KLHL13: variants seen among roughly 807,000 people sequenced by gnomAD.
The protein encoded by KLHL13 is kelch-like protein 13.
A neutral mutation model predicts 37.1 loss-of-function variants in KLHL13; 10 were observed. That is an observed-to-expected ratio of 0.27 (90% CI 0.17 to 0.46). The LOEUF (loss-of-function observed/expected upper bound fraction) is 0.46, where lower values mean the gene tolerates loss of function less well. KLHL13 is among the 20% of genes least tolerant of loss of function. KLHL13 has a pLI of 1.00. For synonymous variants in KLHL13, 163 were observed against 181.2 expected (o/e 0.90, Z 0.81); for missense variants, 360 against 509.3 (o/e 0.71, Z 2.82).
At chrX:117,911,113 C>T in intron 4 of KLHL13, among the ~76,000 whole-genome samples, 1 of 112,058 alleles carries the variant, frequency 8.9e-6, no homozygotes. Context: ...TACAAACAGA[C>T]ACAGATCACA....
chrX:118,052,340 C>T (rs1337938212), intron 1 of KLHL13, among the ~76,000 whole-genome samples: 3 of 76,027 alleles, frequency 3.9e-5, no homozygotes, highest in Admixed American at 3.5e-4. Flanking sequence ...AGTGAAACCC[C>T]GTCTCTACTA....
chrX:118,043,903 C>T (rs1443086349), intron 1 of KLHL13, among the ~76,000 whole-genome samples: 4 of 111,255 alleles, frequency 3.6e-5, no homozygotes. Flanking sequence ...AGCAACCAGA[C>T]AAGAGAAAGA....
chrX:117,920,514 C>G, intron 2 of KLHL13, 144 bp from the exon 4 acceptor site: 1 of 554,304 alleles, frequency 1.8e-6, no homozygotes, highest in Non-Finnish European at 2.8e-6. Flanking sequence ...GAAAAAATAA[C>G]TGCACAACTT....
chrX:118,021,942 A>G (rs189437949), intron 1 of KLHL13, among the ~76,000 whole-genome samples: 1,316 of 111,573 alleles, frequency 0.012, 20 homozygotes, highest in African/African-American at 0.041. Flanking sequence ...CTGGCGTGAG[A>G]TGGTATCTCA....
chrX:118,110,272 C>T (rs1282504620), intron 1 of KLHL13, among the ~76,000 whole-genome samples: 1 of 110,617 alleles, frequency 9.0e-6, no homozygotes, highest in Non-Finnish European at 1.9e-5. Flanking sequence ...GTAACGCACA[C>T]TCATGTCCCC....
chrX:118,073,583 A>C (rs1180936236), intron 1 of KLHL13, among the ~76,000 whole-genome samples: 1 of 111,648 alleles, frequency 9.0e-6, no homozygotes, highest in African/African-American at 3.3e-5. Flanking sequence ...TTTCAGCCCT[A>C]CCTGTACTAG....
intron 1 of KLHL13, among the ~76,000 whole-genome samples, chrX:118,114,540 C>T (rs1156962533): frequency 8.9e-6 from 1 of 112,307 alleles, no homozygotes; most frequent in Non-Finnish European, 1.9e-5. Context: ...AGTATAAACT[C>T]TTTTCCTTGA....
chrX:118,091,357 C>T (rs1408457061), intron 1 of KLHL13, among the ~76,000 whole-genome samples: 2 of 111,510 alleles, frequency 1.8e-5, no homozygotes, highest in African/African-American at 3.3e-5. Context: ...AAGTAGCCAT[C>T]ATAAAAATGC....
intron 1 of KLHL13, among the ~76,000 whole-genome samples, chrX:118,032,292 A>G (rs2054363126): frequency 8.9e-6 from 1 of 112,384 alleles, no homozygotes; most frequent in East Asian, 2.8e-4. Flanking sequence ...GGGGCAGGGC[A>G]CAGACAAACA....
intron 1 of KLHL13, among the ~76,000 whole-genome samples, chrX:118,004,837 T>C (rs1602641804): frequency 9.0e-6 from 1 of 111,556 alleles, no homozygotes; most frequent in East Asian, 2.8e-4. Flanking sequence ...CCTGATAGGA[T>C]GCAATGAGAA....
intron 5 of KLHL13, 22 bp downstream of exon 6, chrX:117,909,279 T>C (rs1447687393): frequency 1.8e-6 from 2 of 1,121,353 alleles, no homozygotes; most frequent in African/African-American, 3.7e-5. Context: ...TTTGTCTCTA[T>C]GCTTAATATA....
intron 1 of KLHL13, among the ~76,000 whole-genome samples, chrX:118,085,613 G>A (rs145613756): frequency 1.8e-3 from 202 of 109,943 alleles, no homozygotes; most frequent in African/African-American, 6.2e-3. Context: ...AGATTCCAGT[G>A]TCCATGATAT....
chrX:117,982,751 A>G (rs1456441002), intron 1 of KLHL13, among the ~76,000 whole-genome samples: 1 of 112,209 alleles, frequency 8.9e-6, no homozygotes, highest in African/African-American at 3.2e-5. Flanking sequence ...TTAGAGAAAC[A>G]CTGCTTTAAA....
In KLHL13 at chrX:117,931,857, C is replaced by T. The variant is rs144359669; in HGVS notation, c.241-11487G>A. 9.2e-3 allele frequency among the ~76,000 whole-genome samples: 1,023 copies of T among 110,675 alleles called. 17 individuals are homozygous for T. Among genetic ancestry groups the T allele is most frequent in the African/African-American group, 0.031 (950 of 30,548 alleles). On this transcript the variant is annotated intron_variant, in intron 2 of 6. Transcript: ENST00000262820. ...GAGATAACAATTCTTGCCTTTTGTA[C>T]CTCATAGCATTTTTTTCAAGTATCA...
At chrX:118,035,455 T>C (rs1179556993) in intron 1 of KLHL13, among the ~76,000 whole-genome samples, 1 of 109,810 alleles carries the variant, frequency 9.1e-6, no homozygotes, top group Non-Finnish European at 1.9e-5. Flanking sequence ...AATCAATAAA[T>C]GTAATCCAGC....
chrX:118,042,889 G>A (rs7053856), intron 1 of KLHL13, among the ~76,000 whole-genome samples: 8,615 of 105,166 alleles, frequency 0.082, 338 homozygotes, highest in Middle Eastern at 0.14. Flanking sequence ...AAATCATAAA[G>A]ATCAGAGCAG....
At chrX:118,115,973 C>A (rs972350616) in intron 1 of KLHL13, among the ~76,000 whole-genome samples, 1 of 112,115 alleles carries the variant, frequency 8.9e-6, no homozygotes, top group African/African-American at 3.2e-5. Context: ...ACAAAAAAGT[C>A]AAAATATTCA....
chrX:118,014,278 C>A (rs1239096715), intron 1 of KLHL13, among the ~76,000 whole-genome samples: 1 of 111,260 alleles, frequency 9.0e-6, no homozygotes, highest in Non-Finnish European at 1.9e-5. Flanking sequence ...GAAATGCATT[C>A]CTGAGGGTAG....
At chrX:117,906,711 G>T (rs1046431150) in intron 5 of KLHL13, among the ~76,000 whole-genome samples, 1 of 111,359 alleles carries the variant, frequency 9.0e-6, no homozygotes, top group Non-Finnish European at 1.9e-5. Flanking sequence ...GAATGCGTTT[G>T]ATGGGTATGC....
Sources: allele counts gnomAD v4.1 joint callset (sites outside exome capture counted in the v4.1 genomes callset), GRCh38; gene constraint gnomAD v4.1.1; transcripts MANE v1.5; gene names NCBI Gene and HGNC (gene_info 2026-07-23, HGNC 2026-07-21).